Variants in MDFIC2 observed in about 807,000 individuals in gnomAD.
The protein encoded by MDFIC2 is myoD family inhibitor domain-containing protein 2.
chr3:70,220,636 C>T (rs1046625027), intron 2 of MDFIC2, among the ~76,000 whole-genome samples: 4 of 152,032 alleles, frequency 2.6e-5, no homozygotes, highest in Admixed American at 1.3e-4. Flanking sequence ...GTTTGGTCTC[C>T]CTTTAGAATG....
chr3:70,271,519 C>G (rs1342574616), intron 2 of MDFIC2, among the ~76,000 whole-genome samples: 1 of 152,188 alleles, frequency 6.6e-6, no homozygotes, highest in African/African-American at 2.4e-5. Context: ...AACTATTTAA[C>G]AAACATCACC....
chr3:70,307,101 C>T (rs1171918074), intron 2 of MDFIC2, among the ~76,000 whole-genome samples: 2 of 151,944 alleles, frequency 1.3e-5, no homozygotes, highest in East Asian at 3.9e-4. Flanking sequence ...AGAGATACAC[C>T]CTCCTAGAAC....
chr3:70,283,240 G>A (rs117108186), intron 2 of MDFIC2, among the ~76,000 whole-genome samples: 13 of 152,154 alleles, frequency 8.5e-5, no homozygotes, highest in Middle Eastern at 3.4e-3. Flanking sequence ...ATAGATTTGC[G>A]GGAACCTTGT....
chr3:70,303,046 TG>T (rs1216047169), intron 2 of MDFIC2, among the ~76,000 whole-genome samples: 4 of 152,214 alleles, frequency 2.6e-5, no homozygotes, highest in African/African-American at 9.6e-5. Context: ...TTTTGACATT[TG>T]AACTTCAGTA....
chr3:70,311,987 G>T lies in MDFIC2; in HGVS notation c.1-14C>A. ...AGTTTCTGACATCTAAGTGGAAACA[G>T]AATTTGTGATATAAAAAATTCATTA... is the stretch of plus-strand genomic sequence containing the variant. On this transcript the variant is annotated splice_polypyrimidine_tract_variant and intron_variant, in intron 1 of 3. Coordinates refer to ENST00000567252, the MANE Select transcript of MDFIC2 (RefSeq NM_001364677.1). The T allele has an allele frequency of 2.5e-6, 1 of 397,666 alleles. No individual in the cohort carries two copies. The highest frequency in any genetic ancestry group is 6.4e-4 in the Middle Eastern group (1 of 1,572). The allele number at this position is 397,666 out of a possible 1,614,324, so 24.6% of individuals were successfully genotyped here.
intron 2 of MDFIC2, among the ~76,000 whole-genome samples, chr3:70,240,477 TG>T (rs1277627070): frequency 6.6e-6 from 1 of 152,124 alleles, no homozygotes; most frequent in Non-Finnish European, 1.5e-5. Flanking sequence ...CTTTGGAAGT[TG>T]GACCCTAACT....
intron 2 of MDFIC2, among the ~76,000 whole-genome samples, chr3:70,215,259 G>A (rs185667044): frequency 2.0e-5 from 3 of 152,178 alleles, no homozygotes; most frequent in East Asian, 1.9e-4. Flanking sequence ...AGATTACCCC[G>A]CTGGTAAGGG....
chr3:70,219,199 C>A (rs1420110026), intron 2 of MDFIC2, among the ~76,000 whole-genome samples: 3 of 152,148 alleles, frequency 2.0e-5, no homozygotes, highest in Admixed American at 1.3e-4. Flanking sequence ...CAAGAATGCT[C>A]ACATCTGCAA....
chr3:70,256,610 G>C (rs1163074800), intron 2 of MDFIC2, among the ~76,000 whole-genome samples: 1 of 152,106 alleles, frequency 6.6e-6, no homozygotes, highest in African/African-American at 2.4e-5. Context: ...TAAATAATGG[G>C]AAAGTAAAGT....
intron 2 of MDFIC2, among the ~76,000 whole-genome samples, chr3:70,212,539 T>C (rs1426424029): frequency 6.6e-6 from 1 of 152,156 alleles, no homozygotes; most frequent in Non-Finnish European, 1.5e-5. Context: ...AGTCCGTGTC[T>C]GCTTTTTCAT....
rs952409042 is a variant in MDFIC2, at chr3:70,194,554, C to G, written c.*2372G>C. Among the ~76,000 whole-genome samples the G allele has an allele frequency of 6.6e-6, 1 of 152,174 alleles. No individual in the cohort carries two copies. Among genetic ancestry groups the G allele is most frequent in the Non-Finnish European group, 1.5e-5 (1 of 68,036 alleles). On this transcript the variant is annotated 3_prime_UTR_variant, in exon 4 of 4. Coordinates refer to ENST00000567252, the MANE Select transcript of MDFIC2 (RefSeq NM_001364677.1). ...TCACACTTTGTATAACCGACCCTTT[C>G]TGTTATAGCACAGTGAATTCTGAAA...
chr3:70,225,026 G>T (rs73117911), intron 2 of MDFIC2, among the ~76,000 whole-genome samples: 5,568 of 152,254 alleles, frequency 0.037, 132 homozygotes, highest in Middle Eastern at 0.062. Context: ...GACAATGGAG[G>T]TTAAAACTGT....
chr3:70,282,742 A>C (rs1351580599), intron 2 of MDFIC2, among the ~76,000 whole-genome samples: 1 of 152,176 alleles, frequency 6.6e-6, no homozygotes, highest in Non-Finnish European at 1.5e-5. Flanking sequence ...CACCAGACTT[A>C]CCACAGACTT....
At chr3:70,260,270 C>A (rs1475967480) in intron 2 of MDFIC2, among the ~76,000 whole-genome samples, 1 of 152,134 alleles carries the variant, frequency 6.6e-6, no homozygotes, top group Non-Finnish European at 1.5e-5. Flanking sequence ...CATCGTACGG[C>A]ATTTCCCCTG....
chr3:70,200,678 A>G (rs1271637153), intron 3 of MDFIC2, among the ~76,000 whole-genome samples: 2 of 152,184 alleles, frequency 1.3e-5, no homozygotes, highest in African/African-American at 4.8e-5. Flanking sequence ...TCCTCCTATT[A>G]GAATCTACGT....
At position 70,196,875 on chromosome 3, in the gene MDFIC2, A is replaced by C. The variant is rs1701186739; in HGVS notation, c.*51T>G. On this transcript the variant is annotated 3_prime_UTR_variant, in exon 4 of 4. Coordinates refer to ENST00000567252, the MANE Select transcript of MDFIC2 (RefSeq NM_001364677.1). ...ATGGAAATCAGTCTTGTTGTAATGG[A>C]ATTTCCCACCGTGGCCAAAAGGACT... 1 of 398,144 alleles carries C rather than the reference A, an allele frequency of 2.5e-6. No individual in the cohort carries two copies. Among genetic ancestry groups the C allele is most frequent in the Admixed American group, 4.4e-5 (1 of 22,702 alleles). 24.7% of individuals were successfully genotyped at this position (398,144 alleles called of 1,614,324 possible). A position where few individuals can be genotyped will look rare whatever the true frequency, so the allele number is the denominator to read the frequency against.
At chr3:70,272,307 C>T (rs1012679528) in intron 2 of MDFIC2, 1 of 152,258 alleles carries the variant, frequency 6.6e-6, no homozygotes, top group Admixed American at 6.5e-5. Context: ...CAGCCAGCCC[C>T]CAGGCAATCA....
intron 2 of MDFIC2, among the ~76,000 whole-genome samples, chr3:70,232,782 A>G (rs147576688): frequency 6.6e-6 from 1 of 152,112 alleles, no homozygotes; most frequent in African/African-American, 2.4e-5. Context: ...ACAGGGACTG[A>G]CTTCTTACTG....
chr3:70,307,194 T>C (rs1186260890), intron 2 of MDFIC2, among the ~76,000 whole-genome samples: 1 of 152,064 alleles, frequency 6.6e-6, no homozygotes, highest in Non-Finnish European at 1.5e-5. Flanking sequence ...ATTGTTGTTG[T>C]TTTGGTGGTG....
Sources: gnomAD v4.1 joint callset for allele counts (sites outside exome capture counted in the v4.1 genomes callset) on GRCh38, gnomAD v4.1.1 for gene constraint, MANE v1.5 for transcripts, NCBI Gene and HGNC (gene_info 2026-07-23, HGNC 2026-07-21) for gene names.